The following ITGB8 variants were observed in gnomAD, a reference collection of about 807,000 sequenced individuals.
ITGB8 encodes the protein integrin subunit beta 8.
In ITGB8, 30 loss-of-function variants were observed where a neutral mutation model predicts 89.5. The observed-to-expected ratio is 0.34, with a 90% CI of 0.25 to 0.45. The LOEUF (loss-of-function observed/expected upper bound fraction) is 0.45. ITGB8 is among the 20% of genes least tolerant of loss of function. The pLI is 1.00. For synonymous variants in ITGB8, 335 were observed against 320.4 expected (o/e 1.05, Z -0.49); for missense variants, 836 against 933.3 (o/e 0.90, Z 1.36).
At chr7:20,351,931 G>A (rs760811591) in intron 1 of ITGB8, among the ~76,000 whole-genome samples, 44 of 152,048 alleles carry the variant, frequency 2.9e-4, no homozygotes, top group Non-Finnish European at 5.4e-4. Context: ...CCAAGAGTTG[G>A]AAATGAAAAT....
rs942650068 is a variant in ITGB8 at position 20,392,761 on chromosome 7, C to T, written c.1056+1263C>T. ...TTTAGCTCCCACTTATGGGTGAGAA[C>T]ATGTGCTATTTTTCTTTCTGTGTCT... On this transcript the variant is annotated intron_variant, in intron 7 of 13. Coordinates refer to ENST00000222573, the MANE Select transcript of ITGB8 (RefSeq NM_002214.3). Among the ~76,000 whole-genome samples the T allele has an allele frequency of 2.4e-4, 37 of 152,208 alleles. 1 individual carries two copies. The highest frequency in any genetic ancestry group is 1.6e-3 in the Admixed American group (24 of 15,276).
chr7:20,392,790 T>G (rs752780964), intron 7 of ITGB8, among the ~76,000 whole-genome samples: 21 of 152,254 alleles, frequency 1.4e-4, no homozygotes, highest in Non-Finnish European at 3.1e-4. Context: ...TGTGTCTGAC[T>G]TAGTGAAACT....
intron 6 of ITGB8, 46 bp from the exon 7 acceptor site, chr7:20,391,357 G>T: frequency 2.9e-6 from 3 of 1,019,942 alleles, no homozygotes; most frequent in Non-Finnish European, 4.5e-6. Flanking sequence ...GAATAGGATG[G>T]AGCTATGAAA....
At chr7:20,386,486 C>CT (rs1333854943) in intron 6 of ITGB8, among the ~76,000 whole-genome samples, 1 of 147,338 alleles carries the variant, frequency 6.8e-6, no homozygotes, top group African/African-American at 2.5e-5. Context: ...TCTAAATCTC[C>CT]TGACCTCATG....
At position 20,411,873 on chromosome 7, in the gene ITGB8, G is replaced by T. The variant is rs1787774969; in HGVS notation, c.*1876G>T. ...CTCAGCTTGAGACCTTGATACACGG[G>T]CCATGAGCCCTGTCTTCCCCAATGG... On this transcript the variant is annotated 3_prime_UTR_variant, in exon 14 of 14. Coordinates refer to ENST00000222573, the MANE Select transcript of ITGB8 (RefSeq NM_002214.3). The T allele has an allele frequency of 6.6e-6, 1 of 152,284 alleles. No homozygotes were observed. Among genetic ancestry groups the T allele is most frequent in the Non-Finnish European group, 1.5e-5 (1 of 68,040 alleles). 9.4% of individuals were successfully genotyped at this position (152,284 alleles called of 1,614,324 possible). A position where few individuals can be genotyped will look rare whatever the true frequency, so the allele number is the denominator to read the frequency against.
intron 1 of ITGB8, among the ~76,000 whole-genome samples, chr7:20,342,719 G>A (rs1477454307): frequency 1.3e-5 from 2 of 152,058 alleles, no homozygotes; most frequent in African/African-American, 4.8e-5. Context: ...AAAGTGAAAG[G>A]TGGTGGGAAT....
rs1284338582 is a variant in ITGB8, at chr7:20,331,873, C to A, written c.67C>A (p.Pro23Thr). 6.2e-7 allele frequency: 1 copy of A among 1,613,952 alleles called. No individual in the cohort carries two copies. The highest frequency in any genetic ancestry group is 1.7e-5 in the Admixed American group (1 of 60,016). Residue 23 changes from proline to threonine, a missense_variant, in exon 1 of 14, where the codon CCC becomes ACC. Physicochemically the swap from Pro to Thr is conservative, Grantham distance 38. Around this residue, in one of 5 missense-constraint regions of ITGB8, gnomAD observed 182 missense variants for 177.0 expected, o/e 1.03. Coordinates refer to ENST00000222573, the MANE Select transcript of ITGB8 (RefSeq NM_002214.3). ...FVCLQNDRRG[P>T]ASFLWAAWVF... is the part of the protein sequence containing the mutation. ...CTGCCTGCAAAACGACCGGCGAGGT[C>A]CCGCCTCGTTCCTCTGGGCAGCCTG...
chr7:20,332,143 T>C (rs2128123110), intron 1 of ITGB8: 2 of 1,087,622 alleles, frequency 1.8e-6, no homozygotes, highest in African/African-American at 1.6e-5. Context: ...AAGGACTAAT[T>C]ATCAGAGGAG....
chr7:20,333,371 A>C (rs576349967), intron 1 of ITGB8, among the ~76,000 whole-genome samples: 34 of 152,300 alleles, frequency 2.2e-4, no homozygotes, highest in South Asian at 1.2e-3. Context: ...AAATGGAAGA[A>C]ACATGCATTT....
chr7:20,405,678 T>C (rs186360177), intron 11 of ITGB8, among the ~76,000 whole-genome samples: 3 of 152,188 alleles, frequency 2.0e-5, no homozygotes, highest in African/African-American at 7.2e-5. Flanking sequence ...TAGAAATAAG[T>C]GATATATAAA....
At position 20,410,043 on chromosome 7, in the gene ITGB8, T is replaced by C. The variant is rs975885630; in HGVS notation, c.*46T>C. On this transcript the variant is annotated 3_prime_UTR_variant, in exon 14 of 14. Transcript: ENST00000222573. Reference sequence around the variant, plus strand: ...AATGGGAAACTGGAATTGTTAATAATTGCTCCTAAAGATTATAATTTTAAA... The same window carrying C: ...AATGGGAAACTGGAATTGTTAATAACTGCTCCTAAAGATTATAATTTTAAA... 1.9e-6 allele frequency: 3 copies of C among 1,571,416 alleles called. No individual in the cohort carries two copies. Among genetic ancestry groups the C allele is most frequent in the African/African-American group, 2.7e-5 (2 of 72,942 alleles).
At chr7:20,349,268 G>T (rs1336787070) in intron 1 of ITGB8, among the ~76,000 whole-genome samples, 3 of 151,788 alleles carry the variant, frequency 2.0e-5, no homozygotes, top group African/African-American at 7.3e-5. Flanking sequence ...TAGAGAACAG[G>T]ATATAAAGTA....
In ITGB8 at chr7:20,410,035, G is replaced by A; in HGVS notation, c.*38G>A. 1 of 1,579,886 alleles carries A rather than the reference G, an allele frequency of 6.3e-7. No homozygotes were observed. Among genetic ancestry groups the A allele is most frequent in the Non-Finnish European group, 8.6e-7 (1 of 1,160,490 alleles). On this transcript the variant is annotated 3_prime_UTR_variant, in exon 14 of 14. Transcript: ENST00000222573. ...AAACACTTAATGGGAAACTGGAATT[G>A]TTAATAATTGCTCCTAAAGATTATA...
Position 20,378,363 on chromosome 7 carries a change from T to G in ITGB8, c.389-688T>G, listed in dbSNP as rs142147028. Among the ~76,000 whole-genome samples the G allele has an allele frequency of 1.4e-4, 21 of 152,322 alleles. No individual in the cohort carries two copies. In the East Asian group the frequency reaches 2.7e-3, roughly 20 times the overall value. ...GAACACCTACCGTGTGTTGGACAAA[T>G]GCTGACCCCTACCTTCCCCAGGTCC... On this transcript the variant is annotated intron_variant, in intron 3 of 13. Transcript: ENST00000222573.
At chr7:20,358,943 A>G (rs1329557572) in intron 1 of ITGB8, among the ~76,000 whole-genome samples, 1 of 152,186 alleles carries the variant, frequency 6.6e-6, no homozygotes, top group African/African-American at 2.4e-5. Flanking sequence ...GCTCTCACTT[A>G]TAAGTGGTAA....
At position 20,350,165 on chromosome 7, in the gene ITGB8, G is replaced by C. The variant is rs1785065859; in HGVS notation, c.128-13472G>C. Among the ~76,000 whole-genome samples the C allele has an allele frequency of 4.6e-5, 7 of 152,108 alleles. No individual in the cohort carries two copies. In the South Asian group the frequency reaches 1.5e-3, roughly 32 times the overall value. On this transcript the variant is annotated intron_variant, in intron 1 of 13. Coordinates refer to ENST00000222573, the MANE Select transcript of ITGB8 (RefSeq NM_002214.3). ...AAGTTGTTGTTGTTGTTGTTGTTTT[G>C]AGACGGAGTTTCACTCTTGTCGCCC...
chr7:20,408,941 T>C (rs1265529852), intron 12 of ITGB8, among the ~76,000 whole-genome samples: 2 of 152,192 alleles, frequency 1.3e-5, no homozygotes, highest in Non-Finnish European at 2.9e-5. Flanking sequence ...ATAGGTGTAG[T>C]TAACAGACTA....
At chr7:20,335,612 T>TC in intron 1 of ITGB8, among the ~76,000 whole-genome samples, 1 of 152,230 alleles carries the variant, frequency 6.6e-6, no homozygotes. Context: ...TCCTATTTTT[T>TC]CTCTCCTTTT....
chr7:20,338,503 C>T (rs951372957), intron 1 of ITGB8, among the ~76,000 whole-genome samples: 3 of 151,952 alleles, frequency 2.0e-5, no homozygotes, highest in East Asian at 1.9e-4. Context: ...CATGGCAGTG[C>T]GCACCTGTAG....
Sources: gnomAD v4.1 joint callset for allele counts (sites outside exome capture counted in the v4.1 genomes callset) on GRCh38, gnomAD v4.1.1 for gene constraint, gnomAD v4.1.1 regional missense constraint, MANE v1.5 for transcripts, NCBI Gene and HGNC (gene_info 2026-07-23, HGNC 2026-07-21) for gene names.